The following KALRN variants were observed in gnomAD, a reference collection of about 807,000 sequenced individuals.
KALRN encodes the protein kalirin.
KALRN carries 70 observed loss-of-function variants against 353.7 expected under a neutral mutation model. The ratio of observed to expected loss-of-function variants is 0.20; its 90% CI spans 0.16 to 0.24. The LOEUF is 0.24. Ranked by LOEUF, KALRN falls within the 10% of genes least tolerant of loss-of-function variation. KALRN has a pLI of 1.00. For synonymous variants in KALRN, 1,391 were observed against 1,434.8 expected (o/e 0.97, Z 0.69); for missense variants, 2,791 against 3,756.7 (o/e 0.74, Z 6.72).
At chr3:124,300,113 G>A (rs749733020) in intron 6 of KALRN, among the ~76,000 whole-genome samples, 6 of 152,120 alleles carry the variant, frequency 3.9e-5, no homozygotes, top group Non-Finnish European at 8.8e-5. Flanking sequence ...TGTCTACCAG[G>A]CTCTTTTAAA....
Position 124,335,460 on chromosome 3 carries a change from A to G in KALRN, c.1647+965A>G, listed in dbSNP as rs575973777. ...CTGACCACAAAAGGACAATCTTGCT[A>G]CAAATGCCCTTTCAGATGAAATAAC... On this transcript the variant is annotated intron_variant, in intron 9 of 59. Coordinates refer to ENST00000682506, the MANE Select transcript of KALRN (RefSeq NM_001388419.1). Among the ~76,000 whole-genome samples, 372 of 152,322 alleles carry G rather than the reference A, an allele frequency of 2.4e-3. 1 individual carries two copies. Among genetic ancestry groups the G allele is most frequent in the Non-Finnish European group, 3.7e-3 (253 of 68,038 alleles).
rs184164562 is a variant in KALRN at position 124,241,384 on chromosome 3, A to G, written c.263+6441A>G. Among the ~76,000 whole-genome samples the G allele has an allele frequency of 6.8e-3, 1,041 of 152,322 alleles. 6 individuals are homozygous for G. The highest frequency in any genetic ancestry group is 9.4e-3 in the Non-Finnish European group (641 of 68,020). On this transcript the variant is annotated intron_variant, in intron 3 of 59. Coordinates refer to ENST00000682506, the MANE Select transcript of KALRN (RefSeq NM_001388419.1). ...TTAAACATAATTTAGAGTGAAAAAG[A>G]AGCTAAGGTTTTGACTCTGAGAACT...
chr3:124,479,402 C>T (rs1344927701), intron 27 of KALRN, among the ~76,000 whole-genome samples: 1 of 152,156 alleles, frequency 6.6e-6, no homozygotes, highest in East Asian at 1.9e-4. Flanking sequence ...CAAAACTTTC[C>T]AAAAGGCATA....
chr3:124,251,700 T>G (rs2148762263), intron 3 of KALRN, among the ~76,000 whole-genome samples: 1 of 152,276 alleles, frequency 6.6e-6, no homozygotes, highest in Non-Finnish European at 1.5e-5. Context: ...TGTAGAATAT[T>G]TTGTTTAAAG....
rs6438852 is a variant in KALRN, at chr3:124,642,228, G to A, written c.5664+4925G>A. On this transcript the variant is annotated intron_variant, in intron 37 of 59. Transcript: ENST00000682506. ...GAACTCGGGAGGCAGAGGTTGCAGTGAGCCGAGATCGCGCCACTGCACTCC... is the reference window on the plus strand; with the variant it reads ...GAACTCGGGAGGCAGAGGTTGCAGTAAGCCGAGATCGCGCCACTGCACTCC... Among the ~76,000 whole-genome samples the A allele has an allele frequency of 1.9e-3, 288 of 152,204 alleles. 1 individual carries two copies. Among genetic ancestry groups the A allele is most frequent in the African/African-American group, 6.6e-3 (276 of 41,514 alleles).
At chr3:124,511,681 C>T (rs2065917789) in intron 33 of KALRN, among the ~76,000 whole-genome samples, 1 of 152,182 alleles carries the variant, frequency 6.6e-6, no homozygotes, top group African/African-American at 2.4e-5. Flanking sequence ...ACCTCTCCTC[C>T]AATGTGTGTT....
chr3:124,113,571 G>T (rs961043917), intron 1 of KALRN, among the ~76,000 whole-genome samples: 1 of 152,198 alleles, frequency 6.6e-6, no homozygotes, highest in Admixed American at 6.5e-5. Context: ...TCAGCTTCAG[G>T]CTGTACCTGT....
At chr3:124,350,904 C>T (rs2082765458) in intron 10 of KALRN, among the ~76,000 whole-genome samples, 1 of 152,162 alleles carries the variant, frequency 6.6e-6, no homozygotes, top group Admixed American at 6.5e-5. Context: ...AAATTAGCCT[C>T]CAGAGCTGGA....
chr3:124,654,122 A>G (rs778896999), intron 38 of KALRN, among the ~76,000 whole-genome samples: 21 of 152,278 alleles, frequency 1.4e-4, no homozygotes, highest in Middle Eastern at 3.4e-3. Flanking sequence ...TTCCCACTCT[A>G]ACTTTCCTGT....
chr3:124,209,065 G>T (rs1339603027), intron 1 of KALRN, among the ~76,000 whole-genome samples: 1 of 152,032 alleles, frequency 6.6e-6, no homozygotes, highest in Non-Finnish European at 1.5e-5. Flanking sequence ...AACAGTCATG[G>T]CTATAATAGC....
intron 6 of KALRN, among the ~76,000 whole-genome samples, chr3:124,307,162 G>A (rs1255389012): frequency 6.6e-6 from 1 of 152,106 alleles, no homozygotes; most frequent in East Asian, 1.9e-4. Flanking sequence ...AATCATATAA[G>A]ATAATATGTA....
At chr3:124,509,257 G>A (rs1043305374) in intron 33 of KALRN, among the ~76,000 whole-genome samples, 13 of 152,062 alleles carry the variant, frequency 8.5e-5, no homozygotes, top group Admixed American at 8.5e-4. Context: ...ACCCAAGTTG[G>A]AAGTGCAGTG....
intron 1 of KALRN, among the ~76,000 whole-genome samples, chr3:124,068,589 C>G (rs1577738116): frequency 6.6e-6 from 1 of 152,202 alleles, no homozygotes; most frequent in Non-Finnish European, 1.5e-5. Flanking sequence ...AAATAAGAGG[C>G]AGCTAGTACA....
intron 17 of KALRN, among the ~76,000 whole-genome samples, chr3:124,438,495 C>A (rs1483734313): frequency 6.6e-6 from 1 of 152,014 alleles, no homozygotes; most frequent in East Asian, 1.9e-4. Flanking sequence ...GGGACAAGTA[C>A]AGATGGTCGG....
intron 36 of KALRN, among the ~76,000 whole-genome samples, chr3:124,635,999 G>T (rs2081312157): frequency 1.3e-5 from 2 of 152,080 alleles, no homozygotes; most frequent in Non-Finnish European, 2.9e-5. Flanking sequence ...TAAATTCCCA[G>T]GAGTAGGATT....
At chr3:124,409,838 G>T (rs1017791831) in intron 13 of KALRN, among the ~76,000 whole-genome samples, 1 of 152,078 alleles carries the variant, frequency 6.6e-6, no homozygotes, top group Non-Finnish European at 1.5e-5. Flanking sequence ...TTAAATTCCA[G>T]TATACATTAA....
At chr3:124,126,920 C>G (rs2064748282) in intron 1 of KALRN, among the ~76,000 whole-genome samples, 1 of 152,206 alleles carries the variant, frequency 6.6e-6, no homozygotes, top group South Asian at 2.1e-4. Context: ...GCACAATACT[C>G]TAAGTCATAG....
intron 1 of KALRN, among the ~76,000 whole-genome samples, chr3:124,042,086 A>AGGATGGGTATGGTTT (rs1174419819): frequency 1.4e-4 from 22 of 152,310 alleles, no homozygotes; most frequent in African/African-American, 5.3e-4. Context: ...TCTGGGACAT[A>AGGATGGGTATGGTTT]GGATGGGTAT....
intron 6 of KALRN, among the ~76,000 whole-genome samples, chr3:124,312,094 T>C (rs2078324869): frequency 6.6e-6 from 1 of 152,222 alleles, no homozygotes; most frequent in Admixed American, 6.5e-5. Flanking sequence ...GTTGTACATA[T>C]CTATATACTA....
Sources: allele counts gnomAD v4.1 joint callset (sites outside exome capture counted in the v4.1 genomes callset), GRCh38; gene constraint gnomAD v4.1.1; transcripts MANE v1.5; gene names NCBI Gene and HGNC (gene_info 2026-07-23, HGNC 2026-07-21).